The following TMPRSS11E variants were observed in gnomAD, a reference collection of about 807,000 sequenced individuals.
TMPRSS11E encodes transmembrane serine protease 11E.
In TMPRSS11E, 38 loss-of-function variants were observed where a neutral mutation model predicts 48.1. The ratio of observed to expected loss-of-function variants is 0.79; its 90% CI spans 0.61 to 1.04. The LOEUF (loss-of-function observed/expected upper bound fraction) is 1.04, where lower values mean the gene tolerates loss of function less well. Ranked by LOEUF, TMPRSS11E falls within the 50% of genes least tolerant of loss-of-function variation. The pLI is 0.00. For synonymous variants in TMPRSS11E, 158 were observed against 171.9 expected (o/e 0.92, Z 0.63); for missense variants, 530 against 510.8 (o/e 1.04, Z -0.36).
chr4:68,491,183 C>CTCTT (rs755003974), intron 9 of TMPRSS11E, among the ~76,000 whole-genome samples: 4 of 149,942 alleles, frequency 2.7e-5, no homozygotes, highest in Non-Finnish European at 5.9e-5. Context: ...CCAAGTTGTC[C>CTCTT]TCTTATTGAT....
chr4:68,494,014 C>G (rs1729802619), intron 9 of TMPRSS11E, among the ~76,000 whole-genome samples: 2 of 152,152 alleles, frequency 1.3e-5, no homozygotes, highest in Non-Finnish European at 2.9e-5. Context: ...TCCTCCTCCT[C>G]CATCTACTCA....
intron 2 of TMPRSS11E, among the ~76,000 whole-genome samples, chr4:68,463,659 C>A (rs540997849): frequency 6.6e-6 from 1 of 152,222 alleles, no homozygotes; most frequent in Non-Finnish European, 1.5e-5. Context: ...TTCTACAGTT[C>A]TGCTGAGAAT....
At position 68,477,379 on chromosome 4, in the gene TMPRSS11E, C is replaced by G. The variant is rs1398683513; in HGVS notation, c.718C>G (p.Pro240Ala). ...AAHCFTTYKN[P>A]ARWTASFGVT... ...TTTTTTTCTCCCCAGATATAAGAAC[C>G]CTGCCAGATGGACTGCTTCCTTTGG... is the stretch of plus-strand genomic sequence containing the variant. The change falls in exon 8 of 10, where the codon CCT becomes GCT. Residue 240 changes from proline to alanine, a missense_variant. Physicochemically the swap from Pro to Ala is conservative, Grantham distance 27. Coordinates refer to ENST00000305363, the MANE Select transcript of TMPRSS11E (RefSeq NM_014058.4). 47 of 1,610,942 alleles carry G rather than the reference C, an allele frequency of 2.9e-5. No homozygotes were observed. The highest frequency in any genetic ancestry group is 3.8e-5 in the Non-Finnish European group (45 of 1,178,810).
In TMPRSS11E at chr4:68,484,020, T is replaced by C. The variant is rs565900285; in HGVS notation, c.1110+5029T>C. Among the ~76,000 whole-genome samples, 86 of 152,320 alleles carry C rather than the reference T, an allele frequency of 5.6e-4. No individual in the cohort carries two copies. The South Asian group carries it at 8.5e-3, about 15-fold the overall frequency. ...GTCTACTTTTTTTGTACTAGCACCA[T>C]GATCTTCTGGTTACTATAGCTTTGT... On this transcript the variant is annotated intron_variant, in intron 9 of 9. Transcript: ENST00000305363.
At chr4:68,465,647 G>C (rs1280668377) in intron 2 of TMPRSS11E, among the ~76,000 whole-genome samples, 3 of 152,152 alleles carry the variant, frequency 2.0e-5, no homozygotes, top group African/African-American at 7.2e-5. Flanking sequence ...TCCAGTGTTA[G>C]TTTCCTTTTC....
At chr4:68,464,536 C>G in intron 2 of TMPRSS11E, among the ~76,000 whole-genome samples, 1 of 152,186 alleles carries the variant, frequency 6.6e-6, no homozygotes, top group African/African-American at 2.4e-5. Flanking sequence ...GTTAATATTC[C>G]CAACATATTT....
intron 9 of TMPRSS11E, among the ~76,000 whole-genome samples, chr4:68,479,316 A>G (rs1419806615): frequency 1.3e-5 from 2 of 152,042 alleles, no homozygotes; most frequent in Non-Finnish European, 2.9e-5. Flanking sequence ...ACATCTGGCA[A>G]TCACTAATTT....
rs138981332 is a variant in TMPRSS11E, at chr4:68,447,750, T to G, written c.11+227T>G. Among the ~76,000 whole-genome samples, 22 of 152,116 alleles carry G rather than the reference T, an allele frequency of 1.4e-4. No homozygotes were observed. In the East Asian group the frequency reaches 4.0e-3, roughly 28 times the overall value. On this transcript the variant is annotated intron_variant, in intron 1 of 9. Transcript: ENST00000305363. ...GTATCCCATGTGTTTTTCTGTTTAC[T>G]TTTAGAAGGTTTCTACACAATGTAA...
rs372371481 is a variant in TMPRSS11E at position 68,478,908 on chromosome 4, A to G, written c.1027A>G (p.Asn343Asp). The change falls in exon 9 of 10, where the codon AAT becomes GAT. Residue 343 changes from asparagine (N) to aspartate (D), a missense_variant. By Grantham distance (23) the Asn-to-Asp change is conservative. Transcript: ENST00000305363. The part of the protein sequence containing the change: ...QVTLIDATTC[N>D]EPQAYNDAIT... ...GACTCTCATAGACGCTACAACTTGC[A>G]ATGAACCTCAAGCTTACAATGACGC... 6.8e-6 allele frequency: 11 copies of G among 1,614,098 alleles called. No homozygotes were observed. Among genetic ancestry groups the G allele is most frequent in the Non-Finnish European group, 8.5e-6 (10 of 1,179,982 alleles).
intron 9 of TMPRSS11E, among the ~76,000 whole-genome samples, chr4:68,483,695 A>G (rs1481808643): frequency 1.3e-5 from 2 of 152,140 alleles, no homozygotes; most frequent in African/African-American, 2.4e-5. Context: ...TCTTTGTTAT[A>G]AAAGCTTTGC....
At chr4:68,462,043 G>A in intron 2 of TMPRSS11E, 98 bp downstream of exon 2, 6 of 1,463,630 alleles carry the variant, frequency 4.1e-6, no homozygotes, top group Non-Finnish European at 5.7e-6. Context: ...TTATCACTAC[G>A]ATTCATTTGC....
intron 5 of TMPRSS11E, among the ~76,000 whole-genome samples, chr4:68,473,667 CATTGTG>C (rs778062193): frequency 4.6e-5 from 7 of 151,942 alleles, no homozygotes; most frequent in Non-Finnish European, 7.4e-5. Context: ...AGCACAAGGC[CATTGTG>C]AGTGTGAGAC....
rs1728992059 is a variant in TMPRSS11E at position 68,468,926 on chromosome 4, G to C, written c.306G>C (p.Lys102Asn). 2 of 1,611,648 alleles carry C rather than the reference G, an allele frequency of 1.2e-6. No individual in the cohort carries two copies. Among genetic ancestry groups the C allele is most frequent in the East Asian group, 4.5e-5 (2 of 44,806 alleles). ...CTCCATTAAGGGAAGAATTTGTCAAGTCTCAGGTTATCAAGTTCAGGTATG... is the reference window on the plus strand; with the variant it reads ...CTCCATTAAGGGAAGAATTTGTCAACTCTCAGGTTATCAAGTTCAGGTATG... ...YKSPLREEFV[K>N]SQVIKFSQQK... Residue 102 changes from lysine (K) to asparagine (N), a missense_variant, in exon 4 of 10, where the codon AAG becomes AAC. Transcript: ENST00000305363.
At position 68,447,516 on chromosome 4, in the gene TMPRSS11E, A is replaced by T; in HGVS notation, c.4A>T (p.Met2Leu). The change falls in exon 1 of 10, where the codon ATG (methionine) becomes TTG (leucine). Residue 2 changes from methionine to leucine, a missense_variant. By Grantham distance (15) the Met-to-Leu change is conservative. Coordinates refer to ENST00000305363, the MANE Select transcript of TMPRSS11E (RefSeq NM_014058.4). ...GACTCTTCATTGCTGGTTGGCAATG[A>T]TGTATCGGTGAGTTAGTTCCCTTTT... M[M>L]YRPDVVRARK... is the part of the protein sequence containing the mutation. 1 of 1,609,502 alleles carries T rather than the reference A, an allele frequency of 6.2e-7. No homozygotes were observed. The highest frequency in any genetic ancestry group is 8.5e-7 in the Non-Finnish European group (1 of 1,177,386).
At position 68,463,222 on chromosome 4, in the gene TMPRSS11E, A is replaced by AT. The variant is rs531440569; in HGVS notation, c.136+1284dup. 3.8e-4 allele frequency among the ~76,000 whole-genome samples: 58 copies of AT among 152,268 alleles called. No homozygotes were observed. The East Asian group carries it at 6.0e-3, about 16-fold the overall frequency. On this transcript the variant is annotated intron_variant, in intron 2 of 9. Coordinates refer to ENST00000305363, the MANE Select transcript of TMPRSS11E (RefSeq NM_014058.4). ...GTTTAAAAAAATATTTAAAACAAAG[A>AT]TTTTTTTGGTAGAATTTGCATACAG...
chr4:68,457,803 AC>A (rs201598896), intron 1 of TMPRSS11E, among the ~76,000 whole-genome samples: 14,716 of 152,152 alleles, frequency 0.097, 907 homozygotes, highest in Non-Finnish European at 0.13. Flanking sequence ...GAAGCCGGAA[AC>A]CATCATTCTC....
At chr4:68,478,149 CTTTTTTTT>C (rs141071822) in intron 8 of TMPRSS11E, among the ~76,000 whole-genome samples, 1 of 134,242 alleles carries the variant, frequency 7.4e-6, no homozygotes, top group Non-Finnish European at 1.6e-5. Context: ...GTATCACTAT[CTTTTTTTT>C]TTTTTTTTGA....
chr4:68,474,672 A>T, intron 5 of TMPRSS11E, 51 bp from the exon 6 acceptor site: 4 of 1,553,672 alleles, frequency 2.6e-6, no homozygotes, highest in Non-Finnish European at 3.5e-6. Context: ...ACTCGGAGGC[A>T]TAGTGTAACT....
intron 1 of TMPRSS11E, among the ~76,000 whole-genome samples, chr4:68,457,797 C>A (rs941904940): frequency 1.3e-5 from 2 of 149,576 alleles, no homozygotes; most frequent in South Asian, 4.2e-4. Context: ...ACGGATGAAG[C>A]CGGAAACCAT....
Sources: allele counts gnomAD v4.1 joint callset (sites outside exome capture counted in the v4.1 genomes callset), GRCh38; gene constraint gnomAD v4.1.1; transcripts MANE v1.5; gene names NCBI Gene and HGNC (gene_info 2026-07-23, HGNC 2026-07-21).